CNGA1: variants seen among roughly 807,000 people sequenced by gnomAD.
CNGA1 encodes cyclic nucleotide gated channel subunit alpha 1, also known as cyclic nucleotide-gated channel alpha-1.
CNGA1 carries 53 observed loss-of-function variants against 69.7 expected under a neutral mutation model. The observed-to-expected ratio is 0.76, with a 90% CI of 0.61 to 0.96. The LOEUF (loss-of-function observed/expected upper bound fraction) is 0.96, where lower values mean the gene tolerates loss of function less well. CNGA1 is among the 40% of genes least tolerant of loss of function. The pLI is 0.00. For missense variants in CNGA1, 739 were observed against 811.2 expected, an observed-to-expected ratio of 0.91 and a Z score of 1.08; for synonymous variants, 249 against 283.5, an observed-to-expected ratio of 0.88 and a Z score of 1.22.
At chr4:47,972,559 A>G (rs1741099071) in intron 3 of CNGA1, among the ~76,000 whole-genome samples, 2 of 152,196 alleles carry the variant, frequency 1.3e-5, no homozygotes, top group Admixed American at 6.5e-5. Flanking sequence ...AGTTTTCCTC[A>G]ATCCGATGGG....
At chr4:47,970,420 G>T (rs966580618) in intron 3 of CNGA1, among the ~76,000 whole-genome samples, 2 of 152,072 alleles carry the variant, frequency 1.3e-5, no homozygotes, top group Admixed American at 1.3e-4. Flanking sequence ...GGAGACTGAG[G>T]CAGGTGGATC....
chr4:47,962,216 TGC>T (rs1740483499), intron 3 of CNGA1, among the ~76,000 whole-genome samples: 1 of 151,848 alleles, frequency 6.6e-6, no homozygotes, highest in South Asian at 2.1e-4. Context: ...TGGTGGTGTG[TGC>T]CTGTAATCCC....
At chr4:47,989,438 C>T (rs1742137761) in intron 2 of CNGA1, among the ~76,000 whole-genome samples, 2 of 152,074 alleles carry the variant, frequency 1.3e-5, no homozygotes, top group Non-Finnish European at 2.9e-5. Context: ...AATTCTACCT[C>T]TGGGAGTTGT....
chr4:48,016,661 C>G lies in CNGA1; in HGVS notation c.-401G>C, dbSNP rs915971801. 1 of 575,436 alleles carries G rather than the reference C, an allele frequency of 1.7e-6. No homozygotes were observed. Among genetic ancestry groups the G allele is most frequent in the South Asian group, 2.2e-5 (1 of 44,968 alleles). The allele number at this position is 575,436 out of a possible 1,614,324, so 35.6% of individuals were successfully genotyped here. A position where few individuals can be genotyped will look rare whatever the true frequency, so the allele number is the denominator to read the frequency against. On this transcript the variant is annotated 5_prime_UTR_variant, in exon 1 of 11. Transcript: ENST00000514170. ...CTGAGAATTCGCAACAAGCCCCGGG[C>G]AGCAGGGCTCGGCTGGCGCTGAGGC...
intron 2 of CNGA1, among the ~76,000 whole-genome samples, chr4:47,982,005 CT>C (rs1205992651): frequency 2.0e-4 from 31 of 152,114 alleles, no homozygotes; most frequent in African/African-American, 7.2e-4. Flanking sequence ...TGACAGATAC[CT>C]AGTCAAGAAA....
chr4:47,939,032 G>GAGAA (rs1309079140), intron 10 of CNGA1, among the ~76,000 whole-genome samples: 9 of 150,756 alleles, frequency 6.0e-5, no homozygotes, highest in South Asian at 2.1e-4. Context: ...AAGAAAGAAA[G>GAGAA]AGAAAGAAAG....
chr4:47,974,363 T>G (rs1741233775), intron 3 of CNGA1, among the ~76,000 whole-genome samples: 1 of 147,406 alleles, frequency 6.8e-6, no homozygotes, highest in South Asian at 2.2e-4. Context: ...AAAGTCATAT[T>G]TTTAAAACAA....
chr4:47,939,021 A>AAAG lies in CNGA1; in HGVS notation c.653-1195_653-1193dup, dbSNP rs1560618902. On this transcript the variant is annotated intron_variant, in intron 10 of 10. Coordinates refer to ENST00000514170, the MANE Select transcript of CNGA1 (RefSeq NM_001379270.1). Reference sequence around the variant, plus strand: ...AAAGAAAGAAAGAAAGAGAAAGAAGAAAGAAAGAAAGAGAAAGAAAGAAAG... The same window carrying AAAG: ...AAAGAAAGAAAGAAAGAGAAAGAAGAAAGAAGAAAGAAAGAGAAAGAAAGAAAG... Among the ~76,000 whole-genome samples, 186 of 147,806 alleles carry AAAG rather than the reference A, an allele frequency of 1.3e-3. 1 individual carries two copies. The highest frequency in any genetic ancestry group is 4.7e-3 in the African/African-American group (176 of 37,530).
intron 5 of CNGA1, 130 bp from the exon 6 acceptor site, chr4:47,950,025 G>T: frequency 1.3e-6 from 1 of 749,440 alleles, no homozygotes; most frequent in South Asian, 1.6e-5. Context: ...GTAGATGATA[G>T]ATATTTCAAA....
intron 9 of CNGA1, among the ~76,000 whole-genome samples, chr4:47,941,395 C>G (rs932294619): frequency 1.1e-4 from 16 of 152,108 alleles, no homozygotes; most frequent in African/African-American, 3.9e-4. Flanking sequence ...TCACCAGGTT[C>G]GTATTGACTA....
intron 3 of CNGA1, among the ~76,000 whole-genome samples, chr4:47,973,570 A>G (rs1741162857): frequency 6.6e-6 from 1 of 152,136 alleles, no homozygotes. Flanking sequence ...TGTTATTTAC[A>G]TATTATTTGC....
intron 3 of CNGA1, among the ~76,000 whole-genome samples, chr4:47,961,774 T>C (rs12512437): frequency 0.53 from 80,182 of 152,024 alleles, 22,810 homozygotes; most frequent in Non-Finnish European, 0.64. Context: ...CACCAGCTGT[T>C]GTAGCTACTG....
In CNGA1 at chr4:47,942,029, A is replaced by T. The variant is rs912494826; in HGVS notation, c.545+12T>A. 1.3e-6 allele frequency: 2 copies of T among 1,542,580 alleles called. No individual in the cohort carries two copies. The highest frequency in any genetic ancestry group is 1.4e-5 in the African/African-American group (1 of 72,652). On this transcript the variant is annotated intron_variant, in intron 9 of 10. Coordinates refer to ENST00000514170, the MANE Select transcript of CNGA1 (RefSeq NM_001379270.1). ...GAGATCCACAAAAAAAAAAAAAAAA[A>T]ATTATAGACACCTGGCAATAACCAT... is the stretch of plus-strand genomic sequence containing the variant.
chr4:47,995,504 C>T (rs1742441968), intron 2 of CNGA1, among the ~76,000 whole-genome samples: 1 of 146,316 alleles, frequency 6.8e-6, no homozygotes, highest in African/African-American at 2.5e-5. Context: ...GTTTTGATTG[C>T]TTTTTATTCT....
intron 3 of CNGA1, among the ~76,000 whole-genome samples, chr4:47,955,463 G>A (rs1453422330): frequency 6.6e-6 from 1 of 152,084 alleles, no homozygotes; most frequent in Non-Finnish European, 1.5e-5. Context: ...GATTACAGGC[G>A]TGAGCCACCG....
At chr4:47,938,991 A>G (rs898102054) in intron 10 of CNGA1, among the ~76,000 whole-genome samples, 2 of 146,328 alleles carry the variant, frequency 1.4e-5, no homozygotes, top group Admixed American at 6.7e-5. Context: ...GAAAGAAAGA[A>G]AGAGAAAGAA....
At chr4:48,010,957 A>T (rs947050962) in intron 1 of CNGA1, 64 bp from the exon 2 acceptor site, 6 of 152,350 alleles carry the variant, frequency 3.9e-5, no homozygotes, top group Admixed American at 3.9e-4. Flanking sequence ...CACAGTGAAA[A>T]CAGAGCTCCC....
At chr4:48,015,808 G>C (rs1052533711) in intron 1 of CNGA1, among the ~76,000 whole-genome samples, 2 of 152,108 alleles carry the variant, frequency 1.3e-5, no homozygotes, top group Non-Finnish European at 2.9e-5. Flanking sequence ...ATGATGCCCA[G>C]GCTAGTCTCG....
intron 9 of CNGA1, among the ~76,000 whole-genome samples, chr4:47,941,191 A>G (rs962567438): frequency 1.3e-5 from 2 of 152,222 alleles, no homozygotes; most frequent in African/African-American, 4.8e-5. Context: ...ATAGCAGACT[A>G]TACTTAACAA....
Sources: gnomAD v4.1 joint callset for allele counts (sites outside exome capture counted in the v4.1 genomes callset) on GRCh38, gnomAD v4.1.1 for gene constraint, MANE v1.5 for transcripts, NCBI Gene and HGNC (gene_info 2026-07-23, HGNC 2026-07-21) for gene names.